The following NALF1 variants were observed in gnomAD, a reference collection of about 807,000 sequenced individuals.
NALF1 encodes NALCN channel auxiliary factor 1.
In NALF1, 3 loss-of-function variants were observed where a neutral mutation model predicts 48.4. The ratio of observed to expected loss-of-function variants is 0.06; its 90% confidence interval spans 0.03 to 0.16. The LOEUF is 0.16. Among genes scored for constraint, NALF1 ranks in the 10% least tolerant of loss-of-function variants. NALF1 has a pLI of 1.00. For synonymous variants in NALF1, 262 were observed against 245.7 expected, an observed-to-expected ratio of 1.07 and a Z score of -0.62; for missense variants, 526 against 571.5, an observed-to-expected ratio of 0.92 and a Z score of 0.81.
intron 2 of NALF1, among the ~76,000 whole-genome samples, chr13:107,185,112 G>A (rs1175065889): frequency 1.3e-5 from 2 of 152,182 alleles, no homozygotes; most frequent in Non-Finnish European, 2.9e-5. Flanking sequence ...TACAGGTCAA[G>A]GAGTGCCAAA....
chr13:107,643,449 G>A (rs1013326094), intron 1 of NALF1, among the ~76,000 whole-genome samples: 10 of 151,094 alleles, frequency 6.6e-5, no homozygotes, highest in Admixed American at 2.0e-4. Flanking sequence ...TCAAAGATGT[G>A]TAAGTTACAG....
chr13:107,600,186 T>C (rs973444993), intron 1 of NALF1, among the ~76,000 whole-genome samples: 3 of 152,196 alleles, frequency 2.0e-5, no homozygotes, highest in Admixed American at 2.0e-4. Context: ...GGTTGTGTGT[T>C]ACAGTGACGA....
At chr13:107,705,592 T>C (rs1881929870) in intron 1 of NALF1, among the ~76,000 whole-genome samples, 1 of 152,060 alleles carries the variant, frequency 6.6e-6, no homozygotes, top group African/African-American at 2.4e-5. Flanking sequence ...CAATACCGAT[T>C]TGTCATTGAT....
chr13:107,756,435 C>CTATACATATATATATA (rs1555323653), intron 1 of NALF1, among the ~76,000 whole-genome samples: 1 of 141,056 alleles, frequency 7.1e-6, no homozygotes, highest in African/African-American at 2.7e-5. Context: ...AGTTTAATGG[C>CTATACATATATATATA]TATATATATA....
At chr13:107,235,908 T>C (rs1388593531) in intron 1 of NALF1, among the ~76,000 whole-genome samples, 1 of 152,258 alleles carries the variant, frequency 6.6e-6, no homozygotes, top group African/African-American at 2.4e-5. Flanking sequence ...GTGTTTCTAC[T>C]ATCATCTCCC....
chr13:107,251,318 C>T (rs1384478404), intron 1 of NALF1, among the ~76,000 whole-genome samples: 1 of 152,164 alleles, frequency 6.6e-6, no homozygotes, highest in African/African-American at 2.4e-5. Context: ...CTCAGAAAGT[C>T]CACAAAAGTC....
chr13:107,452,650 A>C (rs7991820), intron 1 of NALF1, among the ~76,000 whole-genome samples: 109,536 of 152,020 alleles, frequency 0.72, 39,804 homozygotes, highest in Middle Eastern at 0.82. Context: ...TGGCCCCTCC[A>C]AAATCTCATG....
At chr13:107,672,540 G>A (rs1881016323) in intron 1 of NALF1, among the ~76,000 whole-genome samples, 1 of 152,150 alleles carries the variant, frequency 6.6e-6, no homozygotes, top group African/African-American at 2.4e-5. Context: ...TACTGGGCGA[G>A]AAGAGAGTCA....
chr13:107,493,282 C>T (rs1447353407), intron 1 of NALF1, among the ~76,000 whole-genome samples: 1 of 151,860 alleles, frequency 6.6e-6, no homozygotes, highest in Admixed American at 6.6e-5. Context: ...TAAGAAATAA[C>T]TCCAGAAAAA....
chr13:107,784,407 AT>A (rs1203401769), intron 1 of NALF1, among the ~76,000 whole-genome samples: 1 of 152,196 alleles, frequency 6.6e-6, no homozygotes, highest in East Asian at 1.9e-4. Context: ...TTCCTAGTAA[AT>A]TATTCACTCA....
At chr13:107,377,071 C>A (rs1883352254) in intron 1 of NALF1, among the ~76,000 whole-genome samples, 1 of 152,102 alleles carries the variant, frequency 6.6e-6, no homozygotes. Context: ...AGACAAAAAC[C>A]ACCAGAAAGC....
At chr13:107,330,000 AT>A (rs1387267705) in intron 1 of NALF1, among the ~76,000 whole-genome samples, 2 of 152,010 alleles carry the variant, frequency 1.3e-5, no homozygotes, top group Admixed American at 1.3e-4. Flanking sequence ...GAAACACTCG[AT>A]TTTTGCTTCA....
intron 1 of NALF1, among the ~76,000 whole-genome samples, chr13:107,756,564 CG>C (rs1856578798): frequency 6.6e-6 from 1 of 151,892 alleles, no homozygotes; most frequent in Non-Finnish European, 1.5e-5. Context: ...ACACAGCTTT[CG>C]TATTGTTACG....
intron 1 of NALF1, among the ~76,000 whole-genome samples, chr13:107,509,996 T>C (rs533990223): frequency 1.3e-5 from 2 of 151,974 alleles, no homozygotes; most frequent in African/African-American, 4.8e-5. Context: ...TTCATAGAGA[T>C]GGAGAGGTTG....
At chr13:107,864,763 TGC>T (rs1216422542) in intron 1 of NALF1, among the ~76,000 whole-genome samples, 6 of 152,204 alleles carry the variant, frequency 3.9e-5, no homozygotes, top group Non-Finnish European at 7.3e-5. Flanking sequence ...TATTAAAACC[TGC>T]GCCTATTGTT....
chr13:107,530,876 CCAG>C (rs145323351), intron 1 of NALF1, among the ~76,000 whole-genome samples: 1,868 of 152,036 alleles, frequency 0.012, 22 homozygotes, highest in South Asian at 0.034. Context: ...AATATGAAAA[CCAG>C]CAGGATTGCC....
chr13:107,403,118 A>G (rs78019863), intron 1 of NALF1, among the ~76,000 whole-genome samples: 1 of 146,206 alleles, frequency 6.8e-6, no homozygotes, highest in South Asian at 2.2e-4. Context: ...TTTTTGGCTC[A>G]CAAAGGACTA....
intron 1 of NALF1, among the ~76,000 whole-genome samples, chr13:107,305,319 A>C (rs147121613): frequency 1.7e-3 from 262 of 152,354 alleles, no homozygotes; most frequent in African/African-American, 5.7e-3. Context: ...CTTCTTGAGA[A>C]ATGTCAGAGT....
At chr13:107,333,657 A>G (rs1409817452) in intron 1 of NALF1, among the ~76,000 whole-genome samples, 2 of 152,230 alleles carry the variant, frequency 1.3e-5, no homozygotes, top group Non-Finnish European at 2.9e-5. Context: ...CTGGATCTGG[A>G]AAAAGACCAA....
Sources: gnomAD v4.1 joint callset for allele counts (sites outside exome capture counted in the v4.1 genomes callset) on GRCh38, gnomAD v4.1.1 for gene constraint, MANE v1.5 for transcripts, NCBI Gene and HGNC (gene_info 2026-07-23, HGNC 2026-07-21) for gene names.